Variants in SCG5 observed in about 807,000 individuals in gnomAD.
SCG5 encodes the protein secretogranin V, also known as neuroendocrine protein 7B2.
SCG5 carries 18 observed loss-of-function variants against 25.7 expected under a neutral mutation model. The observed-to-expected ratio is 0.70, with a 90% CI of 0.48 to 1.04. SCG5 has a LOEUF of 1.04. Among genes scored for constraint, SCG5 ranks in the 50% least tolerant of loss-of-function variants. The pLI, the probability that SCG5 is intolerant of heterozygous loss-of-function variation, is 0.00. For missense variants in SCG5, 206 were observed against 259.8 expected (o/e 0.79, Z 1.42); for synonymous variants, 101 against 91.7 (o/e 1.10, Z -0.58).
intron 2 of SCG5, among the ~76,000 whole-genome samples, chr15:32,664,090 A>G (rs2054282146): frequency 6.6e-6 from 1 of 152,192 alleles, no homozygotes; most frequent in African/African-American, 2.4e-5. Flanking sequence ...GCACCCAGTG[A>G]GAGTGGCCAT....
At chr15:32,662,905 G>A (rs1432089561) in intron 2 of SCG5, among the ~76,000 whole-genome samples, 1 of 151,438 alleles carries the variant, frequency 6.6e-6, no homozygotes, top group African/African-American at 2.4e-5. Context: ...GAGGTGATTG[G>A]AGTGCCATTC....
intron 2 of SCG5, among the ~76,000 whole-genome samples, chr15:32,648,840 C>T (rs1438041844): frequency 6.6e-6 from 1 of 151,576 alleles, no homozygotes; most frequent in Non-Finnish European, 1.5e-5. Flanking sequence ...GGTGCGATCT[C>T]GGCTCACTGC....
intron 2 of SCG5, among the ~76,000 whole-genome samples, chr15:32,671,560 G>C (rs1007696367): frequency 6.6e-6 from 1 of 152,110 alleles, no homozygotes; most frequent in African/African-American, 2.4e-5. Context: ...AGACAATAGC[G>C]TGTGGTGGAA....
intron 2 of SCG5, among the ~76,000 whole-genome samples, chr15:32,665,510 T>C (rs934314022): frequency 2.0e-5 from 3 of 152,198 alleles, no homozygotes; most frequent in Non-Finnish European, 4.4e-5. Flanking sequence ...TTTACATTAT[T>C]GAATTCCTGT....
chr15:32,651,173 G>A (rs2054026168), intron 2 of SCG5, among the ~76,000 whole-genome samples: 1 of 152,048 alleles, frequency 6.6e-6, no homozygotes, highest in African/African-American at 2.4e-5. Context: ...ACTCCAGCGT[G>A]GGCAACAAGA....
intron 2 of SCG5, among the ~76,000 whole-genome samples, chr15:32,652,943 A>G (rs2054056936): frequency 6.6e-6 from 1 of 152,192 alleles, no homozygotes; most frequent in African/African-American, 2.4e-5. Context: ...TGTCTATTTT[A>G]TATCTTGTTT....
rs146531977 is a variant in SCG5, at chr15:32,695,377, C to G, written c.544-1137C>G. 3.6e-4 allele frequency among the ~76,000 whole-genome samples: 54 copies of G among 152,070 alleles called. No individual in the cohort carries two copies. The East Asian group carries it at 9.3e-3, about 26-fold the overall frequency. ...GGCAACTTCAATGAACAAACATCTT[C>G]CAAAACTTTTGAATTTTTCTTCTGC... On this transcript the variant is annotated intron_variant, in intron 5 of 5. Transcript: ENST00000300175.
intron 1 of SCG5, among the ~76,000 whole-genome samples, chr15:32,642,349 C>T (rs1317701922): frequency 1.3e-5 from 2 of 151,694 alleles, no homozygotes; most frequent in Admixed American, 6.6e-5. Flanking sequence ...GGGTGGATCA[C>T]CTGAGGTCAG....
chr15:32,692,449 G>C lies in SCG5; in HGVS notation c.543+686G>C, dbSNP rs28613470. 788 of 188,182 alleles carry C rather than the reference G, an allele frequency of 4.2e-3. 10 individuals carry two copies. Among genetic ancestry groups the C allele is most frequent in the African/African-American group, 0.018 (761 of 42,202 alleles). 11.7% of individuals were successfully genotyped at this position (188,182 alleles called of 1,614,324 possible). A position where few individuals can be genotyped will look rare whatever the true frequency, so the allele number is the denominator to read the frequency against. On this transcript the variant is annotated intron_variant, in intron 5 of 5. Coordinates refer to ENST00000300175, the MANE Select transcript of SCG5 (RefSeq NM_001144757.3). Reference sequence around the variant, plus strand: ...TCACGTAAAACTCAATGTCACATTTGCTTTGGCTTTCCAGGGTATTTTATA... The same window carrying C: ...TCACGTAAAACTCAATGTCACATTTCCTTTGGCTTTCCAGGGTATTTTATA...
intron 4 of SCG5, 75 bp from the exon 5 acceptor site, chr15:32,691,635 T>C (rs778100279): frequency 1.9e-4 from 221 of 1,159,884 alleles, no homozygotes; most frequent in Non-Finnish European, 2.5e-4. Flanking sequence ...ACACCAAGTA[T>C]TGCTTTTAAA....
intron 2 of SCG5, among the ~76,000 whole-genome samples, chr15:32,663,912 A>G (rs1050998649): frequency 1.3e-5 from 2 of 152,134 alleles, no homozygotes; most frequent in African/African-American, 4.8e-5. Context: ...ATCATCTTTG[A>G]CTCGGCATGA....
At chr15:32,667,421 C>T (rs1248748484) in intron 2 of SCG5, among the ~76,000 whole-genome samples, 2 of 152,180 alleles carry the variant, frequency 1.3e-5, no homozygotes, top group East Asian at 3.9e-4. Flanking sequence ...AAGAGACTTG[C>T]CATTTTTAAG....
chr15:32,682,285 A>C (rs1382388627), intron 3 of SCG5, among the ~76,000 whole-genome samples: 1 of 152,170 alleles, frequency 6.6e-6, no homozygotes, highest in African/African-American at 2.4e-5. Context: ...TCTAGTGCAC[A>C]CTGAACTTAG....
intron 5 of SCG5, 28 bp from the exon 6 acceptor site, chr15:32,696,486 A>G: frequency 1.3e-6 from 2 of 1,502,128 alleles, no homozygotes; most frequent in Non-Finnish European, 1.8e-6. Context: ...ACACCAAACC[A>G]CATGGTTTTT....
At chr15:32,688,285 C>A (rs544091733) in intron 4 of SCG5, among the ~76,000 whole-genome samples, 84 of 152,286 alleles carry the variant, frequency 5.5e-4, no homozygotes, top group Non-Finnish European at 1.1e-3. Context: ...TACCCACTCC[C>A]CCTTTACACA....
intron 3 of SCG5, among the ~76,000 whole-genome samples, chr15:32,681,569 C>T (rs767906222): frequency 8.6e-5 from 13 of 150,304 alleles, no homozygotes; most frequent in Non-Finnish European, 1.8e-4. Flanking sequence ...TGTGCCTCAG[C>T]CTTCCAAGTA....
At chr15:32,654,688 A>G (rs1469685481) in intron 2 of SCG5, among the ~76,000 whole-genome samples, 2 of 151,870 alleles carry the variant, frequency 1.3e-5, no homozygotes, top group Non-Finnish European at 2.9e-5. Context: ...ATGATGAGGA[A>G]GAGCTTGCCT....
At chr15:32,691,681 T>A (rs2054860436) in intron 4 of SCG5, 29 bp from the exon 5 acceptor site, 1 of 1,566,114 alleles carries the variant, frequency 6.4e-7, no homozygotes, top group African/African-American at 1.4e-5. Flanking sequence ...TACTTCTGCA[T>A]TTTTTGTTTT....
chr15:32,643,054 G>A (rs549808070), intron 1 of SCG5, among the ~76,000 whole-genome samples: 1 of 152,266 alleles, frequency 6.6e-6, no homozygotes, highest in East Asian at 1.9e-4. Flanking sequence ...TTCCTTTCAG[G>A]ATCGCAAACG....
Sources: allele counts gnomAD v4.1 joint callset (sites outside exome capture counted in the v4.1 genomes callset), GRCh38; gene constraint gnomAD v4.1.1; transcripts MANE v1.5; gene names NCBI Gene and HGNC (gene_info 2026-07-23, HGNC 2026-07-21).